The following PEX16 variants were observed in gnomAD, a reference collection of about 807,000 sequenced individuals.
The protein encoded by PEX16 is peroxisomal biogenesis factor 16, also known as peroxin 16.
A neutral mutation model predicts 50.5 loss-of-function variants in PEX16; 37 were observed. The ratio of observed to expected loss-of-function variants is 0.73; its 90% confidence interval spans 0.56 to 0.96. PEX16 has a LOEUF of 0.96. PEX16 is among the 40% of genes least tolerant of loss of function. The pLI is 0.00. For synonymous variants in PEX16, 185 were observed against 190.3 expected (o/e 0.97, Z 0.23); for missense variants, 401 against 438.3 (o/e 0.91, Z 0.76).
chr11:45,910,752 G>C (rs560893188), intron 10 of PEX16, 146 bp downstream of exon 10: 1 of 855,308 alleles, frequency 1.2e-6, no homozygotes, highest in Non-Finnish European at 2.0e-6. Context: ...CCTATGCCCA[G>C]GGGCAGTCCC....
chr11:45,917,154 G>C, intron 2 of PEX16: 1 of 670,852 alleles, frequency 1.5e-6, no homozygotes, highest in Non-Finnish European at 2.7e-6. Flanking sequence ...TAAATGGACA[G>C]TGATGACAAT....
At chr11:45,915,330 C>T (rs1590796512) in intron 5 of PEX16, 138 bp downstream of exon 5, 1 of 670,266 alleles carries the variant, frequency 1.5e-6, no homozygotes, top group Non-Finnish European at 2.7e-6. Flanking sequence ...CTGTCGAATA[C>T]ATGGCAATGA....
intron 5 of PEX16, 143 bp downstream of exon 5, chr11:45,915,325 G>A (rs1466801268): frequency 1.8e-5 from 12 of 656,224 alleles, no homozygotes; most frequent in African/African-American, 3.6e-5. Context: ...CTTCTCTGTC[G>A]AATACATGGC....
In PEX16 at chr11:45,914,636, C is replaced by A; in HGVS notation, c.509G>T (p.Arg170Leu). The A allele has an allele frequency of 6.2e-7, 1 of 1,614,216 alleles. No individual in the cohort carries two copies. Among genetic ancestry groups the A allele is most frequent in the South Asian group, 1.1e-5 (1 of 91,090 alleles). ...GNHEQSYVGKRSNRVVRTLQN... is the reference protein window; with the variant it reads ...GNHEQSYVGKLSNRVVRTLQN... ...GAGGGTTCGCACCACCCGGTTTGAC[C>A]GCTTCCCCACGTAGGACTGCTCATG... Residue 170 changes from arginine to leucine, a missense_variant, in exon 6 of 11, where the codon CGG becomes CTG. Transcript: ENST00000378750.
chr11:45,912,733 A>C (rs1039649575), intron 9 of PEX16, among the ~76,000 whole-genome samples: 30 of 151,556 alleles, frequency 2.0e-4, no homozygotes, highest in Non-Finnish European at 7.4e-5. Context: ...CTACCTCCCG[A>C]CCTTGTGATC....
chr11:45,918,429 A>AC, upstream of PEX16: 1 of 174,060 alleles, frequency 5.7e-6, no homozygotes, highest in Non-Finnish European at 1.3e-5. Flanking sequence ...AAACTGAGGC[A>AC]GTAAGGAGTC....
At chr11:45,914,098 G>T in intron 8 of PEX16, 33 bp downstream of exon 8, 1 of 1,581,522 alleles carries the variant, frequency 6.3e-7, no homozygotes, top group East Asian at 2.3e-5. Context: ...AAAGCCCAGT[G>T]GAGAGTGAAG....
At chr11:45,918,097 G>C (rs1413942272), upstream of PEX16, 3 of 505,020 alleles carry the variant, frequency 5.9e-6, no homozygotes, top group Admixed American at 9.7e-5. Flanking sequence ...GCCCAGCGCC[G>C]TCAGCACCCA....
rs762965737 is a variant in PEX16 at position 45,916,318 on chromosome 11, G to C, written c.149-15C>G. ...GGCAGAGTACACTGAGGGGTAGAGA[G>C]TGGCCTTGAGAGGCTGGCTCTGCAG... is the stretch of plus-strand genomic sequence containing the variant. On this transcript the variant is annotated splice_polypyrimidine_tract_variant and intron_variant, in intron 2 of 10. Coordinates refer to ENST00000378750, the MANE Select transcript of PEX16 (RefSeq NM_004813.4). 4 of 1,608,558 alleles carry C rather than the reference G, an allele frequency of 2.5e-6. No individual in the cohort carries two copies. The highest frequency in any genetic ancestry group is 3.4e-6 in the Non-Finnish European group (4 of 1,175,458).
rs777904359 is a variant in PEX16 at position 45,914,326 on chromosome 11, C to A, written c.684G>T (p.Pro228=). 1.2e-6 allele frequency: 2 copies of A among 1,613,062 alleles called. No individual in the cohort carries two copies. The highest frequency in any genetic ancestry group is 1.7e-5 in the Admixed American group (1 of 60,030). ...TIAEFLYIAR[P]LLHLLSLGLW... Reference sequence around the variant, plus strand: ...CCGCGCTAAGGATACAGTGCAGCAGCGGCCGGGCAATGTACAAAAACTCTG... The same window carrying A: ...CCGCGCTAAGGATACAGTGCAGCAGAGGCCGGGCAATGTACAAAAACTCTG... Residue 228 remains proline (P), a synonymous_variant, in exon 7 of 11, where the codon CCG becomes CCT. Transcript: ENST00000378750.
rs1410540354 is a variant in PEX16, at chr11:45,909,963, G to A, written c.*291C>T. Reference sequence around the variant, plus strand: ...TGGCTGCCGAGGCGAGCAGCTTCCCGGGCTCCATGAGGTGAAGTCACCGCT... The same window carrying A: ...TGGCTGCCGAGGCGAGCAGCTTCCCAGGCTCCATGAGGTGAAGTCACCGCT... On this transcript the variant is annotated 3_prime_UTR_variant, in exon 11 of 11. Transcript: ENST00000378750. 1.5e-5 allele frequency: 13 copies of A among 860,866 alleles called. No homozygotes were observed. Among genetic ancestry groups the A allele is most frequent in the Middle Eastern group, 6.7e-4 (2 of 2,986 alleles). The allele number at this position is 860,866 out of a possible 1,614,324, so 53.3% of individuals were successfully genotyped here.
At chr11:45,914,734 C>A in intron 5 of PEX16, 50 bp from the exon 6 acceptor site, 2 of 1,495,850 alleles carry the variant, frequency 1.3e-6, no homozygotes, top group African/African-American at 1.4e-5. Context: ...ATGCTTCCAG[C>A]GGAGCCTGCA....
Position 45,915,574 on chromosome 11 carries a change from T to G in PEX16, c.360-6A>C. On this transcript the variant is annotated splice_region_variant and splice_polypyrimidine_tract_variant and intron_variant, in intron 4 of 10. Coordinates refer to ENST00000378750, the MANE Select transcript of PEX16 (RefSeq NM_004813.4). ...GGAGCATCCGCAGTACAGCCCTGGG[T>G]CGGGGAGTATGTCAGGGTTGTGGGG... 10 of 1,613,858 alleles carry G rather than the reference T, an allele frequency of 6.2e-6. No individual in the cohort carries two copies. The highest frequency in any genetic ancestry group is 8.5e-6 in the Non-Finnish European group (10 of 1,179,874).
intron 2 of PEX16, chr11:45,917,081 A>G: frequency 1.8e-6 from 1 of 547,864 alleles, no homozygotes; most frequent in Non-Finnish European, 3.5e-6. Flanking sequence ...TGGGAGATCT[A>G]GACTTGAATC....
At chr11:45,912,983 T>C (rs147749008) in intron 9 of PEX16, among the ~76,000 whole-genome samples, 1 of 137,948 alleles carries the variant, frequency 7.2e-6, no homozygotes, top group African/African-American at 2.6e-5. Flanking sequence ...CCACCATGTC[T>C]GGCTAATTAT....
intron 8 of PEX16, 69 bp downstream of exon 8, chr11:45,914,062 C>A: frequency 6.4e-7 from 1 of 1,573,864 alleles, no homozygotes; most frequent in Non-Finnish European, 8.6e-7. Context: ...TGCCACCCCG[C>A]CTATGTGAGG....
Position 45,909,922 on chromosome 11 carries a change from G to A in PEX16, c.*332C>T. ...CTCACCAGGGGCCAGCGAGAGAGCA[G>A]CAGTGTTCGCTCCTATGGCTGCCGA... On this transcript the variant is annotated 3_prime_UTR_variant, in exon 11 of 11. Transcript: ENST00000378750. 4.5e-6 allele frequency: 3 copies of A among 660,126 alleles called. No homozygotes were observed. Among genetic ancestry groups the A allele is most frequent in the Non-Finnish European group, 8.2e-6 (3 of 367,856 alleles). 40.9% of individuals were successfully genotyped at this position (660,126 alleles called of 1,614,324 possible).
chr11:45,913,526 G>A (rs1165614097), intron 9 of PEX16, among the ~76,000 whole-genome samples: 1 of 152,256 alleles, frequency 6.6e-6, no homozygotes. Context: ...TGAGCTAGAG[G>A]CCATGGGCGC....
intron 9 of PEX16, chr11:45,911,893 G>A (rs148430969): frequency 0.022 from 3,321 of 152,022 alleles, 111 homozygotes; most frequent in African/African-American, 0.064. Context: ...GCGTGGTGGC[G>A]CGCACCTGTA....
Sources: gnomAD v4.1 joint callset for allele counts (sites outside exome capture counted in the v4.1 genomes callset) on GRCh38, gnomAD v4.1.1 for gene constraint, MANE v1.5 for transcripts, NCBI Gene and HGNC (gene_info 2026-07-23, HGNC 2026-07-21) for gene names.